Variants in A2ML1 observed in about 807,000 individuals in gnomAD.
A2ML1 encodes alpha-2-macroglobulin like 1.
Under a neutral mutation model 181.9 loss-of-function variants are expected in A2ML1, and 161 were observed. The ratio of observed to expected loss-of-function variants is 0.89; its 90% confidence interval spans 0.78 to 1.01. The LOEUF (loss-of-function observed/expected upper bound fraction) is 1.01. Ranked by LOEUF, A2ML1 falls within the 50% of genes least tolerant of loss-of-function variation. A2ML1 has a pLI of 0.00. For missense variants in A2ML1, 1,670 were observed against 1,768.1 expected (o/e 0.94, Z 1.00); for synonymous variants, 663 against 666.8 (o/e 0.99, Z 0.09).
chr12:8,856,330 C>G (rs191162349), intron 23 of A2ML1, among the ~76,000 whole-genome samples: 6 of 152,332 alleles, frequency 3.9e-5, no homozygotes, highest in Admixed American at 6.5e-5. Flanking sequence ...CTGTCTATAT[C>G]TGTCTTCCAC....
At chr12:8,831,268 A>C (rs1469929996) in intron 4 of A2ML1, among the ~76,000 whole-genome samples, 1 of 152,024 alleles carries the variant, frequency 6.6e-6, no homozygotes, top group Non-Finnish European at 1.5e-5. Flanking sequence ...CTTACTTCTT[A>C]ACAGACTGTT....
intron 28 of A2ML1, among the ~76,000 whole-genome samples, chr12:8,863,254 G>T (rs879464142): frequency 1.3e-4 from 19 of 151,900 alleles, no homozygotes; most frequent in Non-Finnish European, 2.1e-4. Context: ...TTAGAGGCAC[G>T]CGCCACCACG....
intron 3 of A2ML1, among the ~76,000 whole-genome samples, chr12:8,824,835 G>A (rs560009555): frequency 5.3e-5 from 8 of 152,242 alleles, no homozygotes; most frequent in African/African-American, 1.7e-4. Context: ...ATGAGAACAT[G>A]GAAAGTTTGT....
intron 28 of A2ML1, among the ~76,000 whole-genome samples, chr12:8,863,546 G>T (rs752761118): frequency 2.6e-5 from 4 of 152,138 alleles, no homozygotes; most frequent in Non-Finnish European, 4.4e-5. Context: ...AATTAACAAG[G>T]GTGGTTTTCA....
At chr12:8,839,264 A>G (rs754775903) in intron 10 of A2ML1, 42 bp downstream of exon 10, 6 of 1,466,312 alleles carry the variant, frequency 4.1e-6, no homozygotes, top group Non-Finnish European at 4.8e-6. Flanking sequence ...AAAATGCATA[A>G]CCATCTACTT....
chr12:8,833,197 T>A (rs928931938), intron 4 of A2ML1, among the ~76,000 whole-genome samples: 1 of 152,106 alleles, frequency 6.6e-6, no homozygotes, highest in African/African-American at 2.4e-5. Flanking sequence ...GGTCTCAAAC[T>A]CCTGACCTCA....
intron 10 of A2ML1, among the ~76,000 whole-genome samples, chr12:8,840,262 A>G (rs1249235659): frequency 3.3e-5 from 5 of 151,448 alleles, no homozygotes; most frequent in Non-Finnish European, 7.4e-5. Flanking sequence ...CGGGAGTCTG[A>G]GGCACGAGAA....
Position 8,839,165 on chromosome 12 carries a change from A to G in A2ML1, c.1023A>G (p.Ser341=). The part of the protein sequence containing the change: ...QNIYISPQMG[S]MTFEDTSNFY... The stretch of plus-strand genomic sequence containing the variant: ...TCTACATTTCTCCACAAATGGGATC[A>G]ATGACCTTTGAAGACACCAGCAATT... The change falls in exon 10 of 36, where the codon TCA becomes TCG. Residue 341 remains serine, a synonymous_variant. Coordinates refer to ENST00000299698, the MANE Select transcript of A2ML1 (RefSeq NM_144670.6). The G allele has an allele frequency of 6.2e-7, 1 of 1,613,736 alleles. No homozygotes were observed. Among genetic ancestry groups the G allele is most frequent in the Non-Finnish European group, 8.5e-7 (1 of 1,179,740 alleles).
chr12:8,865,367 C>T (rs1447136663), intron 29 of A2ML1, among the ~76,000 whole-genome samples: 1 of 151,986 alleles, frequency 6.6e-6, no homozygotes, highest in African/African-American at 2.4e-5. Context: ...TGGAGAAACC[C>T]CATCTCTACT....
chr12:8,846,445 C>A (rs1164067084), intron 14 of A2ML1, among the ~76,000 whole-genome samples: 2 of 152,116 alleles, frequency 1.3e-5, no homozygotes, highest in Non-Finnish European at 2.9e-5. Context: ...TGGCTCACTC[C>A]TGTAATCCCA....
intron 7 of A2ML1, among the ~76,000 whole-genome samples, chr12:8,886,280 A>G (rs1944921032): frequency 6.6e-6 from 1 of 152,186 alleles, no homozygotes; most frequent in Non-Finnish European, 1.5e-5. Flanking sequence ...AACATGCTCT[A>G]TCCCTTAAGT....
At chr12:8,868,488 G>C (rs756092294) in intron 31 of A2ML1, 49 bp from the exon 32 acceptor site, 2 of 1,594,612 alleles carry the variant, frequency 1.3e-6, no homozygotes, top group South Asian at 2.2e-5. Flanking sequence ...GGGATGCAGA[G>C]TGCACTGAAG....
At chr12:8,825,245 T>A (rs760402187) in intron 3 of A2ML1, among the ~76,000 whole-genome samples, 1 of 152,356 alleles carries the variant, frequency 6.6e-6, no homozygotes, top group African/African-American at 2.4e-5. Context: ...CTCCACATCC[T>A]CACCAGCATT....
chr12:8,827,588 G>A (rs1942971053), intron 3 of A2ML1, among the ~76,000 whole-genome samples: 2 of 152,074 alleles, frequency 1.3e-5, no homozygotes, highest in Non-Finnish European at 2.9e-5. Flanking sequence ...TTGTTTCTGG[G>A]AGATTGGTTG....
intron 26 of A2ML1, among the ~76,000 whole-genome samples, chr12:8,858,744 G>A (rs969991751): frequency 6.6e-6 from 1 of 152,126 alleles, no homozygotes; most frequent in Admixed American, 6.5e-5. Flanking sequence ...CCAGAAATTT[G>A]TGTTTTGACA....
chr12:8,886,714 T>C (rs1439472828), exon 8 of A2ML1: 1 of 152,218 alleles, frequency 6.6e-6, no homozygotes, highest in Non-Finnish European at 1.5e-5. Flanking sequence ...GATTATGCAT[T>C]TGTAACTGTG....
At chr12:8,824,222 G>GGTTTT (rs1942847563) in intron 3 of A2ML1, among the ~76,000 whole-genome samples, 1 of 92,310 alleles carries the variant, frequency 1.1e-5, no homozygotes, top group African/African-American at 4.3e-5. Flanking sequence ...AGCTACTGGG[G>GGTTTT]TTTTTTTTTT....
chr12:8,836,697 T>C (rs748755072), intron 7 of A2ML1, among the ~76,000 whole-genome samples: 10 of 152,158 alleles, frequency 6.6e-5, no homozygotes, highest in Non-Finnish European at 1.5e-4. Context: ...TTGGCCAGGC[T>C]GGTCTCGGAC....
chr12:8,857,497 G>A lies in A2ML1; in HGVS notation c.3026-10G>A, dbSNP rs1944110128. The A allele has an allele frequency of 6.2e-7, 1 of 1,611,870 alleles. No individual in the cohort carries two copies. On this transcript the variant is annotated splice_polypyrimidine_tract_variant and intron_variant, in intron 24 of 35. Transcript: ENST00000299698. The stretch of plus-strand genomic sequence containing the variant: ...GTCGCTGTGATCTAAAACCACATTT[G>A]GCTTCCCAGGGTACCAGAAGGAGCT...
Sources: gnomAD v4.1 joint callset for allele counts (sites outside exome capture counted in the v4.1 genomes callset) on GRCh38, gnomAD v4.1.1 for gene constraint, MANE v1.5 for transcripts, NCBI Gene and HGNC (gene_info 2026-07-23, HGNC 2026-07-21) for gene names.